ZNF469: variants seen among roughly 807,000 people sequenced by gnomAD.
ZNF469 encodes the protein zinc finger protein 469.
Under a neutral mutation model 1.0 loss-of-function variants are expected in ZNF469, and 1 was observed. That is an observed-to-expected ratio of 1.00 (90% CI 0.35 to 4.73). The LOEUF is 4.73. Ranked by LOEUF, ZNF469 falls within the 30% of genes most tolerant of loss-of-function variation. ZNF469 has a pLI of 0.16. For missense variants in ZNF469, 6,100 were observed against 5,356.3 expected (o/e 1.14, Z -4.33); for synonymous variants, 2,703 against 2,363.4 (o/e 1.14, Z -4.17).
At chr16:88,109,424 G>T in the ZNF469 span, among the ~76,000 whole-genome samples, 73 of 152,358 alleles carry the variant, frequency 4.8e-4, no homozygotes, top group African/African-American at 1.7e-3. Flanking sequence ...GCTTCTCCCC[G>T]GCAGCCTCCG....
At chr16:88,114,483 C>A in the ZNF469 span, among the ~76,000 whole-genome samples, 1 of 148,236 alleles carries the variant, frequency 6.7e-6, no homozygotes, top group African/African-American at 2.6e-5. Flanking sequence ...CGGGGGTCTC[C>A]GGGTTGGGGA....
the ZNF469 span, among the ~76,000 whole-genome samples, chr16:88,356,233 G>C: frequency 2.0e-5 from 3 of 152,146 alleles, no homozygotes; most frequent in African/African-American, 7.2e-5. Flanking sequence ...GGAGCCGTGG[G>C]TCTAAGGTTG....
the ZNF469 span, among the ~76,000 whole-genome samples, chr16:88,209,875 T>C: frequency 1.3e-5 from 2 of 152,282 alleles, no homozygotes; most frequent in African/African-American, 4.8e-5. Context: ...AATAAACCTG[T>C]GCATCTGTTT....
chr16:88,373,168 A>G, the ZNF469 span, among the ~76,000 whole-genome samples: 1 of 152,236 alleles, frequency 6.6e-6, no homozygotes, highest in African/African-American at 2.4e-5. Flanking sequence ...CTGTTTTTCA[A>G]AAAAGAAGAC....
At chr16:88,220,339 A>T in the ZNF469 span, among the ~76,000 whole-genome samples, 1 of 152,132 alleles carries the variant, frequency 6.6e-6, no homozygotes, top group Non-Finnish European at 1.5e-5. Flanking sequence ...TAAAACCTGG[A>T]GAATTGTTTG....
chr16:88,120,412 C>T, the ZNF469 span, among the ~76,000 whole-genome samples: 100 of 152,352 alleles, frequency 6.6e-4, no homozygotes, highest in African/African-American at 2.2e-3. Flanking sequence ...ATCGGGCCGG[C>T]GGGACGCATT....
At chr16:88,170,690 G>A in the ZNF469 span, among the ~76,000 whole-genome samples, 266 of 152,316 alleles carry the variant, frequency 1.7e-3, no homozygotes, top group Non-Finnish European at 2.6e-3. The surrounding 1 kb of genome is among the most constrained non-coding windows in gnomAD (Gnocchi z 4.2). Flanking sequence ...CTGCCAAGCA[G>A]CCGTTGGGAT....
chr16:88,344,479 GCA>G, the ZNF469 span, among the ~76,000 whole-genome samples: 5,157 of 152,316 alleles, frequency 0.034, 284 homozygotes, highest in African/African-American at 0.12. Context: ...GGGCTGGGTT[GCA>G]GTGCTGGGCA....
chr16:88,370,174 C>T, the ZNF469 span, among the ~76,000 whole-genome samples: 3 of 152,206 alleles, frequency 2.0e-5, no homozygotes, highest in Admixed American at 2.0e-4. Context: ...TGAGTGCAGA[C>T]GTCTCTTATA....
At chr16:88,264,406 C>G in the ZNF469 span, among the ~76,000 whole-genome samples, 1 of 151,966 alleles carries the variant, frequency 6.6e-6, no homozygotes, top group Non-Finnish European at 1.5e-5. Flanking sequence ...GCCCTGTCTC[C>G]AAGCCTGGGG....
rs535425484 is a variant in ZNF469, at chr16:88,389,271, G to C, written c.-192+6017G>C. On this transcript the variant is annotated intron_variant, in intron 1 of 2. Transcript: ENST00000565624. ...CGTGGTTCCTACATCCCGCTCGTTT[G>C]TGACTGGCTCTGTCACTCAGCGTCA... Among the ~76,000 whole-genome samples, 20 of 152,366 alleles carry C rather than the reference G, an allele frequency of 1.3e-4. No homozygotes were observed. In the South Asian group the frequency reaches 3.5e-3, roughly 27 times the overall value.
chr16:88,338,060 C>A, the ZNF469 span, among the ~76,000 whole-genome samples: 1 of 152,228 alleles, frequency 6.6e-6, no homozygotes, highest in Non-Finnish European at 1.5e-5. Flanking sequence ...AGTGCTGTCA[C>A]TTGGCCAGCG....
At chr16:88,127,176 G>T in the ZNF469 span, among the ~76,000 whole-genome samples, 13 of 152,218 alleles carry the variant, frequency 8.5e-5, no homozygotes, top group African/African-American at 3.1e-4. Flanking sequence ...GAATGTTGCC[G>T]TGCTCACGAG....
At chr16:88,180,420 A>G in the ZNF469 span, among the ~76,000 whole-genome samples, 1 of 152,368 alleles carries the variant, frequency 6.6e-6, no homozygotes, top group Admixed American at 6.5e-5. Flanking sequence ...ATCAGATAAA[A>G]TAGATATCCG....
the ZNF469 span, among the ~76,000 whole-genome samples, chr16:88,223,291 G>A: frequency 6.6e-6 from 1 of 152,286 alleles, no homozygotes; most frequent in African/African-American, 2.4e-5. Context: ...TTTTATAAGG[G>A]GAAACCCCTT....
intron 1 of ZNF469, among the ~76,000 whole-genome samples, chr16:88,405,410 G>A (rs191134142): frequency 1.4e-4 from 21 of 152,318 alleles, no homozygotes; most frequent in South Asian, 2.1e-4. Flanking sequence ...GGTGCCTCCC[G>A]GCAACAGTCA....
In ZNF469 at chr16:88,430,506, C is replaced by T. The variant is rs1477853041; in HGVS notation, c.3036C>T (p.Val1012=). Residue 1012 remains valine, a synonymous_variant, in exon 3 of 3, where the codon GTC becomes GTT. Coordinates refer to ENST00000565624, the MANE Select transcript of ZNF469 (RefSeq NM_001367624.2). ...GCCGCGCAGACCCCGCGCCCCGGGTCCCGAGAGCCGCCGCCCTCCCCGAGG... is the reference window on the plus strand; with the variant it reads ...GCCGCGCAGACCCCGCGCCCCGGGTTCCGAGAGCCGCCGCCCTCCCCGAGG... ...PGSRADPAPR[V]PRAAALPEET... 7.7e-6 allele frequency: 11 copies of T among 1,424,674 alleles called. No homozygotes were observed. Among genetic ancestry groups the T allele is most frequent in the Non-Finnish European group, 1.0e-5 (11 of 1,099,444 alleles). The allele number at this position is 1,424,674 out of a possible 1,614,324, so 88.3% of individuals were successfully genotyped here.
the ZNF469 span, among the ~76,000 whole-genome samples, chr16:88,367,633 T>A: frequency 6.6e-6 from 1 of 152,192 alleles, no homozygotes; most frequent in Non-Finnish European, 1.5e-5. Flanking sequence ...AAGGTGTTTG[T>A]GTGAGTGTTC....
the ZNF469 span, among the ~76,000 whole-genome samples, chr16:88,119,658 C>G: frequency 6.6e-6 from 1 of 152,182 alleles, no homozygotes; most frequent in Non-Finnish European, 1.5e-5. Context: ...CCTACCGGGT[C>G]CAGCCGTTTG....
Sources: gnomAD v4.1 joint callset for allele counts (sites outside exome capture counted in the v4.1 genomes callset) on GRCh38, gnomAD v4.1.1 for gene constraint, Gnocchi (gnomAD v3.1) non-coding constraint, MANE v1.5 for transcripts, NCBI Gene and HGNC (gene_info 2026-07-23, HGNC 2026-07-21) for gene names.